The following INPP4A variants were observed in gnomAD, a reference collection of about 807,000 sequenced individuals.
INPP4A encodes the protein inositol polyphosphate-4-phosphatase type I A, also known as inositol polyphosphate-4-phosphatase, type I, 107kD.
Under a neutral mutation model 119.8 loss-of-function variants are expected in INPP4A, and 33 were observed. The observed-to-expected ratio is 0.28, with a 90% confidence interval of 0.21 to 0.37. INPP4A has a LOEUF of 0.37. Among genes scored for constraint, INPP4A ranks in the 10% least tolerant of loss-of-function variants. The probability of loss-of-function intolerance (pLI) is 1.00; values close to 1 mark genes in which losing one functional copy is unlikely to be tolerated. For synonymous variants in INPP4A, 496 were observed against 500.7 expected (o/e 0.99, Z 0.12); for missense variants, 956 against 1,289.9 (o/e 0.74, Z 3.97).
Position 98,588,989 on chromosome 2 carries a change from C to T in INPP4A, c.*1381C>T. ...CAAACTTGGGCCAGGGGTGCTGAGG[C>T]ATGGGGAGGACTGCTTATTGGCAGG... is the stretch of plus-strand genomic sequence containing the variant. On this transcript the variant is annotated 3_prime_UTR_variant, in exon 25 of 25. Transcript: ENST00000409851. The T allele has an allele frequency of 5.4e-6, 1 of 184,448 alleles. No homozygotes were observed. The highest frequency in any genetic ancestry group is 1.1e-5 in the Non-Finnish European group (1 of 87,044). 11.4% of individuals were successfully genotyped at this position (184,448 alleles called of 1,614,324 possible). A position where few individuals can be genotyped will look rare whatever the true frequency, so the allele number is the denominator to read the frequency against.
intron 3 of INPP4A, among the ~76,000 whole-genome samples, chr2:98,520,414 G>A (rs1248328002): frequency 6.6e-6 from 1 of 152,216 alleles, no homozygotes; most frequent in Non-Finnish European, 1.5e-5. Flanking sequence ...GGTAGTGTGG[G>A]AATGTCCAAG....
chr2:98,573,343 C>A (rs1697823031), intron 23 of INPP4A, among the ~76,000 whole-genome samples: 1 of 152,184 alleles, frequency 6.6e-6, no homozygotes, highest in Non-Finnish European at 1.5e-5. Flanking sequence ...AAGCACTTAC[C>A]CTGCTCATAT....
At chr2:98,464,033 G>C (rs1674198138) in intron 1 of INPP4A, among the ~76,000 whole-genome samples, 1 of 152,236 alleles carries the variant, frequency 6.6e-6, no homozygotes, top group Non-Finnish European at 1.5e-5. Context: ...AGGGCCTGCA[G>C]ATGGCTGTTT....
intron 1 of INPP4A, among the ~76,000 whole-genome samples, chr2:98,447,086 C>G (rs1224936066): frequency 6.6e-6 from 1 of 152,166 alleles, no homozygotes; most frequent in African/African-American, 2.4e-5. Context: ...GATCCCCAGC[C>G]CAGGGCTTAA....
intron 1 of INPP4A, among the ~76,000 whole-genome samples, chr2:98,475,708 G>T (rs1308114605): frequency 6.6e-6 from 1 of 152,142 alleles, no homozygotes; most frequent in East Asian, 1.9e-4. Flanking sequence ...TGTGGGCAGG[G>T]CTGGGGTTCA....
chr2:98,533,169 T>C (rs1160812622), intron 4 of INPP4A, among the ~76,000 whole-genome samples: 1 of 152,236 alleles, frequency 6.6e-6, no homozygotes, highest in Non-Finnish European at 1.5e-5. Context: ...GTTATGACAT[T>C]GCTGTCTTGG....
intron 1 of INPP4A, among the ~76,000 whole-genome samples, chr2:98,469,226 C>T (rs569052651): frequency 6.6e-6 from 1 of 152,278 alleles, no homozygotes; most frequent in African/African-American, 2.4e-5. Context: ...TGGCTGGGCA[C>T]GGTGGCTCAC....
chr2:98,479,493 G>A (rs1012119405), intron 1 of INPP4A, among the ~76,000 whole-genome samples: 1 of 152,160 alleles, frequency 6.6e-6, no homozygotes, highest in African/African-American at 2.4e-5. Flanking sequence ...TCCAGCCATG[G>A]GAAACAGAGT....
At chr2:98,573,724 C>T (rs1441619005) in intron 23 of INPP4A, among the ~76,000 whole-genome samples, 3 of 152,146 alleles carry the variant, frequency 2.0e-5, no homozygotes, top group African/African-American at 7.2e-5. Flanking sequence ...CTCTCAGCCC[C>T]GAGTCTCTTC....
intron 1 of INPP4A, among the ~76,000 whole-genome samples, chr2:98,494,327 T>C (rs1681471828): frequency 6.6e-6 from 1 of 152,286 alleles, no homozygotes; most frequent in East Asian, 1.9e-4. Context: ...CTGAGAATAA[T>C]GGGTCCCCAG....
At chr2:98,450,362 GTATCAACAA>G (rs1695014412) in intron 1 of INPP4A, among the ~76,000 whole-genome samples, 1 of 152,222 alleles carries the variant, frequency 6.6e-6, no homozygotes, top group Non-Finnish European at 1.5e-5. Flanking sequence ...GGATTTGCCA[GTATCAACAA>G]TTTCTGTTTT....
At position 98,570,733 on chromosome 2, in the gene INPP4A, G is replaced by C. The variant is rs1227035789; in HGVS notation, c.2518+2065G>C. ...GGCGGAGGGTGCCCTTGCAGGGAGG[G>C]AAGGAGGGAGGAGAGAAGGTAGGGA... On this transcript the variant is annotated intron_variant, in intron 22 of 24. Coordinates refer to ENST00000409851, the MANE Select transcript of INPP4A (RefSeq NM_001134225.2). This position sits in a 1 kb window ranked among gnomAD's most constrained non-coding sequence, Gnocchi z 4.3. 1.3e-5 allele frequency among the ~76,000 whole-genome samples: 2 copies of C among 152,146 alleles called. No homozygotes were observed. The highest frequency in any genetic ancestry group is 2.9e-5 in the Non-Finnish European group (2 of 68,006).
chr2:98,583,006 A>G (rs1699545735), intron 24 of INPP4A, among the ~76,000 whole-genome samples: 1 of 151,620 alleles, frequency 6.6e-6, no homozygotes, highest in Non-Finnish European at 1.5e-5. Context: ...CACCTACTGC[A>G]TACGCCAGAC....
intron 13 of INPP4A, among the ~76,000 whole-genome samples, chr2:98,550,597 C>T (rs1404939046): frequency 1.3e-5 from 2 of 152,218 alleles, no homozygotes; most frequent in East Asian, 3.8e-4. Flanking sequence ...GGGGCTGCCC[C>T]TAGGCTTCAT....
chr2:98,539,055 C>G, intron 9 of INPP4A, 74 bp downstream of exon 9: 1 of 772,982 alleles, frequency 1.3e-6, no homozygotes, highest in Non-Finnish European at 2.1e-6. Flanking sequence ...CCCTTTGCTC[C>G]CCACCTGCTG....
intron 1 of INPP4A, among the ~76,000 whole-genome samples, chr2:98,468,431 G>GT (rs1675244604): frequency 6.6e-6 from 1 of 152,050 alleles, no homozygotes; most frequent in Non-Finnish European, 1.5e-5. Flanking sequence ...AGGGATGGGG[G>GT]TCTTGCTTTG....
At chr2:98,531,225 C>G (rs955477468) in intron 4 of INPP4A, among the ~76,000 whole-genome samples, 5 of 152,264 alleles carry the variant, frequency 3.3e-5, no homozygotes, top group African/African-American at 1.2e-4. Context: ...CACAAACATT[C>G]AGTCATAACA....
intron 1 of INPP4A, among the ~76,000 whole-genome samples, chr2:98,483,961 A>C (rs1384000236): frequency 6.6e-6 from 1 of 152,128 alleles, no homozygotes; most frequent in African/African-American, 2.4e-5. Flanking sequence ...GCCCCTGCCC[A>C]CACCCCATCT....
chr2:98,560,677 A>G (rs1695314792), intron 17 of INPP4A, among the ~76,000 whole-genome samples: 1 of 152,198 alleles, frequency 6.6e-6, no homozygotes, highest in African/African-American at 2.4e-5. Context: ...CCCCGGGCCC[A>G]TGCCTCAGCT....
Sources: gnomAD v4.1 joint callset for allele counts (sites outside exome capture counted in the v4.1 genomes callset) on GRCh38, gnomAD v4.1.1 for gene constraint, Gnocchi (gnomAD v3.1) non-coding constraint, MANE v1.5 for transcripts, NCBI Gene and HGNC (gene_info 2026-07-23, HGNC 2026-07-21) for gene names.